The following GRID1 variants were observed in gnomAD, a reference collection of about 807,000 sequenced individuals.
GRID1 encodes the protein glutamate receptor ionotropic, delta-1.
In GRID1, 28 loss-of-function variants were observed where a neutral mutation model predicts 98.0. The observed-to-expected ratio is 0.29, with a 90% CI of 0.21 to 0.39. The LOEUF (loss-of-function observed/expected upper bound fraction) is 0.39, where lower values mean the gene tolerates loss of function less well. Ranked by LOEUF, GRID1 falls within the 10% of genes least tolerant of loss-of-function variation. The pLI is 1.00. For synonymous variants in GRID1, 553 were observed against 538.5 expected, an observed-to-expected ratio of 1.03 and a Z score of -0.37; for missense variants, 1,111 against 1,340.5, an observed-to-expected ratio of 0.83 and a Z score of 2.67.
chr10:85,660,968 G>A (rs1165138376), intron 12 of GRID1, among the ~76,000 whole-genome samples: 1 of 152,108 alleles, frequency 6.6e-6, no homozygotes, highest in Non-Finnish European at 1.5e-5. Context: ...CATGGATTGA[G>A]TGAATTCAAG....
intron 8 of GRID1, among the ~76,000 whole-genome samples, chr10:85,783,244 C>A (rs1258784409): frequency 6.6e-6 from 1 of 152,186 alleles, no homozygotes; most frequent in Non-Finnish European, 1.5e-5. Flanking sequence ...AGCACCCTTG[C>A]AATGAAGGCG....
intron 15 of GRID1, among the ~76,000 whole-genome samples, chr10:85,611,650 G>T (rs1365154131): frequency 6.6e-6 from 1 of 152,174 alleles, no homozygotes; most frequent in Non-Finnish European, 1.5e-5. Flanking sequence ...TCTACTGGGG[G>T]TGGCTTTGGG....
intron 8 of GRID1, among the ~76,000 whole-genome samples, chr10:85,848,583 C>T (rs1843028390): frequency 6.6e-6 from 1 of 152,102 alleles, no homozygotes; most frequent in African/African-American, 2.4e-5. Flanking sequence ...ATATCATGAT[C>T]TCTATGTATG....
At chr10:86,281,794 C>T (rs1847360865) in intron 2 of GRID1, among the ~76,000 whole-genome samples, 1 of 152,148 alleles carries the variant, frequency 6.6e-6, no homozygotes, top group Admixed American at 6.5e-5. Context: ...AGAGCTTGAG[C>T]ACACTTTAAA....
intron 4 of GRID1, among the ~76,000 whole-genome samples, chr10:85,958,969 A>AAAAGAAAGAAAGAAAG (rs1020855090): frequency 1.3e-4 from 19 of 151,062 alleles, no homozygotes; most frequent in Admixed American, 6.6e-4. Context: ...AAAAAAAAAA[A>AAAAGAAAGAAAGAAAG]AAAGAAAGAA....
At chr10:85,780,381 T>G (rs527465084) in intron 8 of GRID1, among the ~76,000 whole-genome samples, 7 of 152,248 alleles carry the variant, frequency 4.6e-5, no homozygotes, top group South Asian at 2.1e-4. Context: ...GAGGAGGAAG[T>G]GGGGCTGGAG....
At chr10:86,136,785 C>T (rs377282810) in intron 4 of GRID1, among the ~76,000 whole-genome samples, 9 of 152,072 alleles carry the variant, frequency 5.9e-5, no homozygotes, top group Admixed American at 1.3e-4. Flanking sequence ...ACTTGACTGA[C>T]GTTAAGAGTC....
chr10:85,627,543 G>C (rs568003516), intron 13 of GRID1, among the ~76,000 whole-genome samples: 1 of 152,194 alleles, frequency 6.6e-6, no homozygotes, highest in East Asian at 1.9e-4. Flanking sequence ...ATCTTTGGGA[G>C]GTGCCATCAT....
At chr10:86,209,278 G>C (rs755329568) in intron 2 of GRID1, among the ~76,000 whole-genome samples, 1 of 152,194 alleles carries the variant, frequency 6.6e-6, no homozygotes, top group Non-Finnish European at 1.5e-5. Context: ...CTCTGATAAT[G>C]GATAAGCAGG....
chr10:85,854,772 T>C (rs1024262894), intron 7 of GRID1, among the ~76,000 whole-genome samples, 157 bp from the exon 8 acceptor site: 2 of 152,236 alleles, frequency 1.3e-5, no homozygotes, highest in Admixed American at 6.5e-5. Context: ...CTAGTGGTCC[T>C]AGGCCCTCAG....
chr10:85,718,028 G>T (rs1841659484), intron 12 of GRID1, among the ~76,000 whole-genome samples: 1 of 152,216 alleles, frequency 6.6e-6, no homozygotes, highest in Non-Finnish European at 1.5e-5. Flanking sequence ...CTGTGGCTTT[G>T]CAGGGTACAG....
chr10:86,015,180 G>T (rs1036843401), intron 4 of GRID1, among the ~76,000 whole-genome samples: 2 of 152,068 alleles, frequency 1.3e-5, no homozygotes, highest in African/African-American at 4.8e-5. Context: ...TTTATATTTG[G>T]TTCACTGCCT....
chr10:85,674,137 A>G (rs935577089), intron 12 of GRID1, among the ~76,000 whole-genome samples: 2 of 152,068 alleles, frequency 1.3e-5, no homozygotes, highest in Admixed American at 1.3e-4. Flanking sequence ...GTTTCCTTCT[A>G]TCCATATTTC....
intron 8 of GRID1, among the ~76,000 whole-genome samples, chr10:85,734,144 G>A (rs183394725): frequency 2.3e-4 from 35 of 152,208 alleles, no homozygotes; most frequent in African/African-American, 8.4e-4. Flanking sequence ...TTTTGGTCTA[G>A]GGGTGCTTTA....
At chr10:86,342,691 C>T (rs1848327265) in intron 2 of GRID1, among the ~76,000 whole-genome samples, 1 of 152,210 alleles carries the variant, frequency 6.6e-6, no homozygotes, top group Non-Finnish European at 1.5e-5. Flanking sequence ...ACGCTGCTTC[C>T]CTGCCCAGGA....
intron 2 of GRID1, among the ~76,000 whole-genome samples, chr10:86,296,765 A>G (rs941817903): frequency 1.4e-5 from 2 of 144,658 alleles, no homozygotes; most frequent in South Asian, 2.3e-4. Flanking sequence ...ATACATACAT[A>G]CATACATGCA....
At chr10:86,070,914 C>T (rs146323807) in intron 4 of GRID1, among the ~76,000 whole-genome samples, 1 of 152,276 alleles carries the variant, frequency 6.6e-6, no homozygotes, top group African/African-American at 2.4e-5. Context: ...GCACATCTCC[C>T]TCCCTGCAAG....
chr10:85,962,113 C>A (rs1484419155), intron 4 of GRID1, among the ~76,000 whole-genome samples: 2 of 152,150 alleles, frequency 1.3e-5, no homozygotes, highest in Non-Finnish European at 2.9e-5. Context: ...TTGGGCCACT[C>A]GCTCTCCTTT....
At chr10:86,183,656 G>A (rs1245578794) in intron 3 of GRID1, among the ~76,000 whole-genome samples, 2 of 152,210 alleles carry the variant, frequency 1.3e-5, no homozygotes, top group South Asian at 2.1e-4. Flanking sequence ...ACCACGCCCA[G>A]CCCAAAATGT....
Sources: allele counts gnomAD v4.1 joint callset (sites outside exome capture counted in the v4.1 genomes callset), GRCh38; gene constraint gnomAD v4.1.1; transcripts MANE v1.5; gene names NCBI Gene and HGNC (gene_info 2026-07-23, HGNC 2026-07-21).